PCDH15: variants seen among roughly 807,000 people sequenced by gnomAD.
The protein encoded by PCDH15 is protocadherin-15.
A neutral mutation model predicts 178.5 loss-of-function variants in PCDH15; 129 were observed. The observed-to-expected ratio is 0.72, with a 90% CI of 0.63 to 0.84. The LOEUF is 0.84. PCDH15 is among the 40% of genes least tolerant of loss of function. PCDH15 has a pLI of 0.00. For synonymous variants in PCDH15, 800 were observed against 732.0 expected, an observed-to-expected ratio of 1.09 and a Z score of -1.50; for missense variants, 2,230 against 2,099.9, an observed-to-expected ratio of 1.06 and a Z score of -1.21.
intron 2 of PCDH15, among the ~76,000 whole-genome samples, chr10:54,935,205 G>A (rs1021256526): frequency 1.3e-4 from 20 of 151,756 alleles, no homozygotes; most frequent in Middle Eastern, 3.2e-3. Flanking sequence ...CATTGTGCAC[G>A]TGTACCCTAA....
chr10:55,538,779 T>C (rs1841676537), intron 2 of PCDH15, among the ~76,000 whole-genome samples: 1 of 128,158 alleles, frequency 7.8e-6, no homozygotes, highest in Non-Finnish European at 1.7e-5. Context: ...CTTCCTTCCT[T>C]CCTCCTTTCC....
intron 2 of PCDH15, among the ~76,000 whole-genome samples, chr10:55,006,163 T>C (rs1244738310): frequency 6.6e-6 from 1 of 152,136 alleles, no homozygotes; most frequent in African/African-American, 2.4e-5. Flanking sequence ...TTATTAATTG[T>C]ATTAATATGC....
At chr10:55,433,050 ACAAAAC>A (rs140634914) in intron 2 of PCDH15, among the ~76,000 whole-genome samples, 113,731 of 151,132 alleles carry the variant, frequency 0.75, 44,060 homozygotes, top group East Asian at 0.99. Context: ...ACAAAACAAA[ACAAAAC>A]AAAAACAGAA....
At chr10:55,361,476 C>A (rs1342176580) in intron 2 of PCDH15, among the ~76,000 whole-genome samples, 1 of 151,782 alleles carries the variant, frequency 6.6e-6, no homozygotes, top group Non-Finnish European at 1.5e-5. Context: ...ATTTGATAAG[C>A]TTTTTCTAAC....
At chr10:53,974,865 T>C (rs1312715290) in intron 21 of PCDH15, among the ~76,000 whole-genome samples, 2 of 152,148 alleles carry the variant, frequency 1.3e-5, no homozygotes, top group African/African-American at 2.4e-5. Flanking sequence ...TGGGGTACAA[T>C]TGATCCAGTC....
At chr10:54,068,309 ATGTTGGCTTACCC>A (rs2094175786) in intron 17 of PCDH15, among the ~76,000 whole-genome samples, 1 of 152,046 alleles carries the variant, frequency 6.6e-6, no homozygotes, top group African/African-American at 2.4e-5. Flanking sequence ...CTTTATTTGT[ATGTTGGCTTACCC>A]TTTGAAAATT....
chr10:55,551,500 T>G (rs1022491388), intron 2 of PCDH15, among the ~76,000 whole-genome samples: 3 of 151,868 alleles, frequency 2.0e-5, no homozygotes, highest in African/African-American at 7.2e-5. Flanking sequence ...TAAGTAGTAA[T>G]TTGTCAATTT....
chr10:54,602,102 A>T (rs1215312719), intron 2 of PCDH15, among the ~76,000 whole-genome samples: 1 of 151,938 alleles, frequency 6.6e-6, no homozygotes, highest in African/African-American at 2.4e-5. Context: ...TACCTATATA[A>T]CAAACCTGCA....
At chr10:54,145,374 A>G (rs145233400) in intron 14 of PCDH15, among the ~76,000 whole-genome samples, 2 of 152,144 alleles carry the variant, frequency 1.3e-5, no homozygotes, top group African/African-American at 4.8e-5. Context: ...ACAGATATTT[A>G]TATTGCTTTT....
At chr10:54,539,964 A>C (rs1463725552) in intron 2 of PCDH15, among the ~76,000 whole-genome samples, 2 of 152,168 alleles carry the variant, frequency 1.3e-5, no homozygotes, top group Non-Finnish European at 2.9e-5. Flanking sequence ...GAAGAAAGAC[A>C]CGCAAAATAC....
chr10:54,234,313 C>T (rs7098067), intron 9 of PCDH15, among the ~76,000 whole-genome samples: 8,306 of 152,110 alleles, frequency 0.055, 557 homozygotes, highest in African/African-American at 0.17. Context: ...TTCCAGGCAG[C>T]ATTATGTACA....
At chr10:53,980,947 A>T (rs2090588172) in intron 21 of PCDH15, among the ~76,000 whole-genome samples, 1 of 152,138 alleles carries the variant, frequency 6.6e-6, no homozygotes. Context: ...TGGTTTCCAA[A>T]ATATGTAACA....
At chr10:54,261,883 A>G (rs2057341906) in intron 8 of PCDH15, among the ~76,000 whole-genome samples, 1 of 152,192 alleles carries the variant, frequency 6.6e-6, no homozygotes. Flanking sequence ...TCACATTTTA[A>G]ACAGATCTTT....
intron 13 of PCDH15, among the ~76,000 whole-genome samples, chr10:54,172,565 G>A (rs1251159395): frequency 6.6e-6 from 1 of 152,018 alleles, no homozygotes; most frequent in Non-Finnish European, 1.5e-5. Context: ...GGAAACAATA[G>A]GTGAATAAAA....
chr10:53,914,790 G>T (rs1395639682), intron 25 of PCDH15, among the ~76,000 whole-genome samples: 4 of 152,068 alleles, frequency 2.6e-5, no homozygotes, highest in Non-Finnish European at 5.9e-5. Context: ...ACTGCATGTT[G>T]TTTCAATTAA....
chr10:55,370,137 C>A (rs1845468180), intron 2 of PCDH15, among the ~76,000 whole-genome samples: 1 of 152,078 alleles, frequency 6.6e-6, no homozygotes, highest in Admixed American at 6.6e-5. Context: ...AAATCTCATG[C>A]ACATTAAGCT....
chr10:53,913,891 T>C (rs1005372000), intron 25 of PCDH15, among the ~76,000 whole-genome samples: 2 of 152,128 alleles, frequency 1.3e-5, no homozygotes, highest in Admixed American at 1.3e-4. Context: ...ATCCAGAATC[T>C]ACAAAGAACT....
intron 3 of PCDH15, among the ~76,000 whole-genome samples, chr10:54,818,330 G>C (rs192596472): frequency 6.6e-6 from 1 of 152,098 alleles, no homozygotes; most frequent in African/African-American, 2.4e-5. Flanking sequence ...GTGGCAAATC[G>C]TGCTTTCCAG....
chr10:55,571,510 A>T (rs1199941865), intron 2 of PCDH15, among the ~76,000 whole-genome samples: 2 of 152,108 alleles, frequency 1.3e-5, no homozygotes, highest in Non-Finnish European at 2.9e-5. Context: ...ATAGGTAATA[A>T]TTTAAGAATT....
Sources: gnomAD v4.1 joint callset for allele counts (sites outside exome capture counted in the v4.1 genomes callset) on GRCh38, gnomAD v4.1.1 for gene constraint, MANE v1.5 for transcripts, NCBI Gene and HGNC (gene_info 2026-07-23, HGNC 2026-07-21) for gene names.